TSGA10: variants seen among roughly 807,000 people sequenced by gnomAD.
The protein encoded by TSGA10 is testis-specific gene 10 protein.
TSGA10 carries 43 observed loss-of-function variants against 96.6 expected under a neutral mutation model. The observed-to-expected ratio is 0.44, with a 90% CI of 0.35 to 0.57. The LOEUF is 0.57. TSGA10 is among the 20% of genes least tolerant of loss of function. TSGA10 has a pLI of 0.01. For synonymous variants in TSGA10, 229 were observed against 269.9 expected, an observed-to-expected ratio of 0.85 and a Z score of 1.48; for missense variants, 703 against 834.4, an observed-to-expected ratio of 0.84 and a Z score of 1.94.
chr2:99,127,913 T>C (rs1261544193), intron 1 of TSGA10, among the ~76,000 whole-genome samples: 2 of 152,262 alleles, frequency 1.3e-5, no homozygotes, highest in African/African-American at 4.8e-5. Context: ...TATATATATG[T>C]ACACTTATGC....
chr2:99,084,092 C>G (rs1319839495), intron 10 of TSGA10, among the ~76,000 whole-genome samples: 1 of 151,380 alleles, frequency 6.6e-6, no homozygotes. Context: ...TTTAAAGCAG[C>G]AAAACAAAAA....
At chr2:99,131,752 AG>A (rs1213547219) in intron 1 of TSGA10, among the ~76,000 whole-genome samples, 1 of 152,118 alleles carries the variant, frequency 6.6e-6, no homozygotes. Context: ...TATTGGCTAC[AG>A]GTTTCTCATA....
At position 99,102,289 on chromosome 2, in the gene TSGA10, G is replaced by A; in HGVS notation, c.611+1678C>T. ...GTGATGAAGAAAGGAGATGTGGAGG[G>A]CAGTCAGTCTCAAGATGAAGGAGAA... is the stretch of plus-strand genomic sequence containing the variant. On this transcript the variant is annotated intron_variant, in intron 10 of 20. Transcript: ENST00000393483. The A allele has an allele frequency of 5.6e-6, 9 of 1,611,606 alleles. No homozygotes were observed. The South Asian group carries it at 8.8e-5, about 16-fold the overall frequency.
At chr2:99,087,660 C>T (rs984875182) in intron 10 of TSGA10, among the ~76,000 whole-genome samples, 1 of 152,074 alleles carries the variant, frequency 6.6e-6, no homozygotes, top group African/African-American at 2.4e-5. Context: ...TACTGTCCAG[C>T]CTGAGTGACG....
In TSGA10 at chr2:99,071,872, TG is replaced by T. The variant is rs1365267306; in HGVS notation, c.940del (p.Gln314SerfsTer6). On this transcript the variant is annotated frameshift_variant and splice_region_variant, in exon 14 of 21. Transcript: ENST00000393483. LOFTEE classifies it high-confidence loss of function. ...ACACACAATTAGGGCCTCAGTACACTGTCTATTCCACAAATCAAAGAGTACA... is the reference window on the plus strand; with the variant it reads ...ACACACAATTAGGGCCTCAGTACACTTCTATTCCACAAATCAAAGAGTACA... ...IIAEMEQASR[Q>X]CTEALIVCEQ... 1.2e-6 allele frequency: 2 copies of T among 1,609,946 alleles called. No homozygotes were observed. Among genetic ancestry groups the T allele is most frequent in the Non-Finnish European group, 1.7e-6 (2 of 1,178,690 alleles).
At position 98,998,814 on chromosome 2, in the gene TSGA10, T is replaced by C. The variant is rs555756062; in HGVS notation, c.2073-593A>G. 8.5e-5 allele frequency among the ~76,000 whole-genome samples: 13 copies of C among 152,340 alleles called. No individual in the cohort carries two copies. In the South Asian group the frequency reaches 2.7e-3, roughly 32 times the overall value. ...TCCCAGTTTGTAAGATACTCCATTA[T>C]AGAAGCTGGGGTAAGGATATGTGGG... On this transcript the variant is annotated intron_variant, in intron 20 of 20. Coordinates refer to ENST00000393483, the MANE Select transcript of TSGA10 (RefSeq NM_025244.4).
intron 16 of TSGA10, among the ~76,000 whole-genome samples, chr2:99,036,621 C>T (rs965441962): frequency 3.9e-5 from 6 of 151,926 alleles, no homozygotes; most frequent in African/African-American, 1.2e-4. Flanking sequence ...AACAAATGAA[C>T]GGGGCAATAA....
intron 20 of TSGA10, among the ~76,000 whole-genome samples, chr2:99,000,276 G>A (rs529341334): frequency 5.1e-4 from 77 of 151,968 alleles, no homozygotes; most frequent in Non-Finnish European, 1.0e-3. Flanking sequence ...GGGAGGCCAA[G>A]GCAGGTGGAT....
At chr2:99,030,713 C>T (rs983781189) in intron 17 of TSGA10, among the ~76,000 whole-genome samples, 1 of 152,054 alleles carries the variant, frequency 6.6e-6, no homozygotes, top group Non-Finnish European at 1.5e-5. Flanking sequence ...GCAAGGAACA[C>T]GTTGACAATG....
rs916035863 is a variant in TSGA10, at chr2:99,141,161, G to A, written c.-621+13532C>T. 35 of 1,264,078 alleles carry A rather than the reference G, an allele frequency of 2.8e-5. No homozygotes were observed. In the African/African-American group the frequency reaches 5.2e-4, roughly 19 times the overall value. 78.3% of individuals were successfully genotyped at this position (1,264,078 alleles called of 1,614,324 possible). A position where few individuals can be genotyped will look rare whatever the true frequency, so the allele number is the denominator to read the frequency against. On this transcript the variant is annotated intron_variant, in intron 1 of 20. Coordinates refer to ENST00000393483, the MANE Select transcript of TSGA10 (RefSeq NM_025244.4). Reference sequence around the variant, plus strand: ...TCATCCCCGCGACTGTCAGCTCTCGGCCTCAGCGGGGGATACAAGAACCGC... The same window carrying A: ...TCATCCCCGCGACTGTCAGCTCTCGACCTCAGCGGGGGATACAAGAACCGC...
chr2:99,119,191 TAA>T (rs1025396628), intron 2 of TSGA10, among the ~76,000 whole-genome samples: 11 of 152,142 alleles, frequency 7.2e-5, no homozygotes, highest in Non-Finnish European at 1.5e-4. Context: ...AAAAATATCC[TAA>T]GTCATGAATT....
chr2:99,093,838 T>C (rs1277276083), intron 10 of TSGA10, among the ~76,000 whole-genome samples: 3 of 152,046 alleles, frequency 2.0e-5, no homozygotes, highest in South Asian at 2.1e-4. Context: ...AAAAGCAATA[T>C]ACAAATTCAA....
intron 2 of TSGA10, 115 bp from the exon 3 acceptor site, chr2:99,118,801 A>T: frequency 3.5e-6 from 1 of 289,198 alleles, no homozygotes; most frequent in Non-Finnish European, 5.2e-6. Context: ...CTCTTTGTTT[A>T]CTTGAGGAAA....
At chr2:99,125,133 C>T (rs1008914850) in intron 2 of TSGA10, 2 of 152,132 alleles carry the variant, frequency 1.3e-5, no homozygotes, top group East Asian at 3.9e-4. Context: ...TGGAATCATA[C>T]ATTTCGTAGC....
intron 1 of TSGA10, among the ~76,000 whole-genome samples, chr2:99,130,887 C>T (rs963451910): frequency 2.6e-5 from 4 of 152,182 alleles, no homozygotes; most frequent in Non-Finnish European, 4.4e-5. Flanking sequence ...AGAATCCTTT[C>T]CCCATTGCTT....
chr2:99,051,492 G>A (rs2083389557), intron 16 of TSGA10, among the ~76,000 whole-genome samples: 1 of 152,020 alleles, frequency 6.6e-6, no homozygotes, highest in Non-Finnish European at 1.5e-5. Context: ...GAACCAAAAA[G>A]TGACAGAAAT....
intron 20 of TSGA10, among the ~76,000 whole-genome samples, chr2:99,011,108 G>T (rs1378968752): frequency 6.6e-6 from 1 of 152,052 alleles, no homozygotes; most frequent in East Asian, 1.9e-4. Context: ...ACCCTGCCCC[G>T]ACCTAAAGTG....
At chr2:99,142,965 A>G (rs2093587883) in intron 1 of TSGA10, among the ~76,000 whole-genome samples, 1 of 152,098 alleles carries the variant, frequency 6.6e-6, no homozygotes, top group Non-Finnish European at 1.5e-5. Context: ...TTATTTGGAA[A>G]GAATATAAGG....
chr2:99,100,611 G>C (rs2090581419), intron 10 of TSGA10, among the ~76,000 whole-genome samples: 1 of 151,990 alleles, frequency 6.6e-6, no homozygotes, highest in Admixed American at 6.5e-5. Context: ...ACGAGGTCAG[G>C]AGATCGAGAC....
Sources: allele counts gnomAD v4.1 joint callset (sites outside exome capture counted in the v4.1 genomes callset), GRCh38; gene constraint gnomAD v4.1.1; transcripts MANE v1.5; gene names NCBI Gene and HGNC (gene_info 2026-07-23, HGNC 2026-07-21).